TMEM51: variants seen among roughly 807,000 people sequenced by gnomAD.
TMEM51 encodes the protein transmembrane protein 51.
A neutral mutation model predicts 13.6 loss-of-function variants in TMEM51; 8 were observed. The observed-to-expected ratio is 0.59, with a 90% CI of 0.35 to 1.07. TMEM51 has a LOEUF of 1.07. Among genes scored for constraint, TMEM51 ranks in the 50% least tolerant of loss-of-function variants. The pLI, the probability that TMEM51 is intolerant of heterozygous loss-of-function variation, is 0.02. For missense variants in TMEM51, 279 were observed against 330.7 expected, an observed-to-expected ratio of 0.84 and a Z score of 1.21; for synonymous variants, 147 against 144.4, an observed-to-expected ratio of 1.02 and a Z score of -0.13.
intron 1 of TMEM51, among the ~76,000 whole-genome samples, chr1:15,190,930 G>A (rs552983143): frequency 1.3e-5 from 2 of 152,122 alleles, no homozygotes; most frequent in Non-Finnish European, 2.9e-5. Flanking sequence ...TGGAATTATA[G>A]GCACGTGCCA....
chr1:15,208,716 G>T (rs1644290940), intron 1 of TMEM51, among the ~76,000 whole-genome samples: 1 of 152,066 alleles, frequency 6.6e-6, no homozygotes, highest in Non-Finnish European at 1.5e-5. Context: ...AAGTTCCAAG[G>T]CCCTGTGGTA....
intron 1 of TMEM51, among the ~76,000 whole-genome samples, chr1:15,174,922 C>A (rs1643407557): frequency 6.6e-6 from 1 of 152,156 alleles, no homozygotes; most frequent in Non-Finnish European, 1.5e-5. Flanking sequence ...TACCCAAAGC[C>A]CTATCTCCTA....
chr1:15,168,671 G>A, intron 1 of TMEM51: 1 of 1,304,434 alleles, frequency 7.7e-7, no homozygotes, highest in Non-Finnish European at 1.0e-6. Flanking sequence ...GAGGAAGTCT[G>A]TTGGTAGCTT....
intron 1 of TMEM51, among the ~76,000 whole-genome samples, chr1:15,194,457 C>T (rs1644004927): frequency 6.6e-6 from 1 of 152,184 alleles, no homozygotes; most frequent in Admixed American, 6.5e-5. Flanking sequence ...TGCCACGTGC[C>T]CCTTGGGACT....
At chr1:15,186,699 A>T (rs1489711517) in intron 1 of TMEM51, among the ~76,000 whole-genome samples, 1 of 152,188 alleles carries the variant, frequency 6.6e-6, no homozygotes, top group Non-Finnish European at 1.5e-5. Flanking sequence ...CCTTATGAGC[A>T]GGGCTTTATC....
chr1:15,185,035 C>G (rs1204763748), intron 1 of TMEM51, among the ~76,000 whole-genome samples: 1 of 151,898 alleles, frequency 6.6e-6, no homozygotes, highest in Non-Finnish European at 1.5e-5. Context: ...TCCTGCCTGC[C>G]CCACCCCCAT....
At chr1:15,195,855 A>G (rs1644036930) in intron 1 of TMEM51, among the ~76,000 whole-genome samples, 1 of 152,142 alleles carries the variant, frequency 6.6e-6, no homozygotes, top group Non-Finnish European at 1.5e-5. Context: ...CAGGATTCCC[A>G]GGAGACGTGG....
At chr1:15,173,409 C>T (rs1455913749) in intron 1 of TMEM51, among the ~76,000 whole-genome samples, 4 of 151,652 alleles carry the variant, frequency 2.6e-5, no homozygotes, top group Middle Eastern at 6.8e-3. Flanking sequence ...TTAGTAGAGA[C>T]GGGGTTTCAC....
intron 1 of TMEM51, among the ~76,000 whole-genome samples, chr1:15,158,113 C>T (rs973415917): frequency 1.3e-5 from 2 of 152,066 alleles, no homozygotes; most frequent in Non-Finnish European, 2.9e-5. Flanking sequence ...TTTTTCAACT[C>T]GTCATTACAG....
intron 1 of TMEM51, among the ~76,000 whole-genome samples, chr1:15,160,844 G>A (rs138001061): frequency 0.022 from 3,403 of 152,028 alleles, 55 homozygotes; most frequent in Non-Finnish European, 0.035. Context: ...AGGAACGAGG[G>A]AGAGTCAGCC....
At chr1:15,186,802 A>G (rs1024592927) in intron 1 of TMEM51, among the ~76,000 whole-genome samples, 7 of 113,906 alleles carry the variant, frequency 6.1e-5, no homozygotes, top group African/African-American at 2.1e-4. Context: ...AGCAGTGGAG[A>G]GAGGGCAGGC....
upstream of TMEM51, among the ~76,000 whole-genome samples, chr1:15,153,355 C>A (rs1642460790): frequency 6.6e-6 from 1 of 152,166 alleles, no homozygotes; most frequent in Non-Finnish European, 1.5e-5. Flanking sequence ...AAACCTGGGA[C>A]TTCTAGCTTG....
At chr1:15,195,491 C>G (rs1168296481) in intron 1 of TMEM51, among the ~76,000 whole-genome samples, 1 of 152,074 alleles carries the variant, frequency 6.6e-6, no homozygotes, top group African/African-American at 2.4e-5. Flanking sequence ...TTTATTGGGA[C>G]TCTCTTGTCC....
intron 1 of TMEM51, among the ~76,000 whole-genome samples, chr1:15,165,404 A>G (rs76430213): frequency 0.027 from 4,183 of 152,302 alleles, 175 homozygotes; most frequent in African/African-American, 0.096. Flanking sequence ...CAATTAAAAC[A>G]ATGCCGTCTT....
chr1:15,174,495 G>A (rs988152870), intron 1 of TMEM51, among the ~76,000 whole-genome samples: 19 of 152,246 alleles, frequency 1.2e-4, no homozygotes, highest in African/African-American at 4.6e-4. Flanking sequence ...TCCTGCCTTA[G>A]CCTTTCAAAG....
chr1:15,157,390 T>C (rs1642625389), intron 1 of TMEM51, among the ~76,000 whole-genome samples: 1 of 152,176 alleles, frequency 6.6e-6, no homozygotes, highest in Admixed American at 6.5e-5. Context: ...AGAGGGATCT[T>C]AGCCATCAGA....
At chr1:15,215,673 A>T (rs1044930405) in intron 3 of TMEM51, among the ~76,000 whole-genome samples, 2 of 152,220 alleles carry the variant, frequency 1.3e-5, no homozygotes, top group African/African-American at 4.8e-5. Flanking sequence ...TTTTTTAAAA[A>T]TTTTATTACA....
Position 15,161,047 on chromosome 1 carries a change from C to T in TMEM51, c.-267+7093C>T, listed in dbSNP as rs543988851. ...GGGGAGCGGGGAGGGCAGGTGCAGCCGCCACCGCCAAAGGTCTTCCTGGTG... is the reference window on the plus strand; with the variant it reads ...GGGGAGCGGGGAGGGCAGGTGCAGCTGCCACCGCCAAAGGTCTTCCTGGTG... On this transcript the variant is annotated intron_variant, in intron 1 of 3. Transcript: ENST00000376008. This position sits in a 1 kb window ranked among gnomAD's most constrained non-coding sequence, Gnocchi z 4.0. Among the ~76,000 whole-genome samples the T allele has an allele frequency of 2.6e-5, 4 of 152,094 alleles. No homozygotes were observed. The highest frequency in any genetic ancestry group is 3.9e-4 in the East Asian group (2 of 5,174).
chr1:15,180,289 G>T (rs183605367), intron 1 of TMEM51, among the ~76,000 whole-genome samples: 1 of 152,136 alleles, frequency 6.6e-6, no homozygotes. Flanking sequence ...TCTCCTGATC[G>T]TCAGCAAGAC....
Sources: gnomAD v4.1 joint callset for allele counts (sites outside exome capture counted in the v4.1 genomes callset) on GRCh38, gnomAD v4.1.1 for gene constraint, Gnocchi (gnomAD v3.1) non-coding constraint, MANE v1.5 for transcripts, NCBI Gene and HGNC (gene_info 2026-07-23, HGNC 2026-07-21) for gene names.